OTC: variants seen among roughly 807,000 people sequenced by gnomAD.
The protein encoded by OTC is ornithine transcarbamylase, also known as ornithine transcarbamylase, mitochondrial.
A neutral mutation model predicts 30.3 loss-of-function variants in OTC; 3 were observed. The ratio of observed to expected loss-of-function variants is 0.10; its 90% CI spans 0.05 to 0.26. The LOEUF is 0.26. Ranked by LOEUF, OTC falls within the 10% of genes least tolerant of loss-of-function variation. The pLI is 1.00. For synonymous variants in OTC, 111 were observed against 99.7 expected, an observed-to-expected ratio of 1.11 and a Z score of -0.67; for missense variants, 194 against 260.3, an observed-to-expected ratio of 0.75 and a Z score of 1.75.
the OTC span, among the ~76,000 whole-genome samples, chrX:38,339,424 G>A: frequency 8.2e-5 from 9 of 109,677 alleles, no homozygotes; most frequent in African/African-American, 3.0e-4. Context: ...CTTATTTTAG[G>A]TTCAGAGGTA....
At chrX:38,345,074 C>T in the OTC span, among the ~76,000 whole-genome samples, 6 of 111,022 alleles carry the variant, frequency 5.4e-5, no homozygotes, top group Admixed American at 3.8e-4. Flanking sequence ...TGGTGGCACA[C>T]ACCTATACTC....
intron 2 of OTC, among the ~76,000 whole-genome samples, chrX:38,369,330 C>T (rs2068312018): frequency 9.5e-6 from 1 of 105,133 alleles, no homozygotes; most frequent in Admixed American, 1.0e-4. Context: ...TTGTATAGTA[C>T]ATAAAAAAAC....
chrX:38,384,587 T>C (rs2068392760), intron 4 of OTC, among the ~76,000 whole-genome samples: 1 of 112,137 alleles, frequency 8.9e-6, no homozygotes, highest in Non-Finnish European at 1.9e-5. Flanking sequence ...TTGCTTTTTG[T>C]AGAAGTTTAA....
At chrX:38,344,262 C>CAT in the OTC span, among the ~76,000 whole-genome samples, 1 of 110,688 alleles carries the variant, frequency 9.0e-6, no homozygotes, top group African/African-American at 3.3e-5. Flanking sequence ...CACACACACA[C>CAT]ACACACACAC....
upstream of OTC, among the ~76,000 whole-genome samples, chrX:38,349,181 G>C (rs1183914060): frequency 3.6e-5 from 4 of 111,757 alleles, no homozygotes. Context: ...GGAAGCACTG[G>C]CAGGGTAGTG....
chrX:38,407,460 A>C (rs1455656033), intron 6 of OTC, among the ~76,000 whole-genome samples: 14 of 112,251 alleles, frequency 1.2e-4, no homozygotes, highest in Non-Finnish European at 2.6e-4. Context: ...GATAAAAATC[A>C]ACTCATAATC....
intron 3 of OTC, among the ~76,000 whole-genome samples, chrX:38,377,396 TAAAG>T (rs1398601967): frequency 1.8e-5 from 2 of 111,478 alleles, no homozygotes; most frequent in Non-Finnish European, 3.8e-5. Flanking sequence ...TGATGCATCT[TAAAG>T]AACTGGAAAA....
chrX:38,392,554 G>A (rs1284920839), intron 4 of OTC, among the ~76,000 whole-genome samples: 1 of 112,079 alleles, frequency 8.9e-6, no homozygotes, highest in Non-Finnish European at 1.9e-5. Context: ...AAGATCTTTA[G>A]TAGCCTGGAA....
the OTC span, among the ~76,000 whole-genome samples, chrX:38,334,328 A>G: frequency 8.9e-5 from 10 of 112,318 alleles, no homozygotes; most frequent in African/African-American, 1.6e-4. Context: ...TCCAGAATCT[A>G]TGTTCCTAGT....
chrX:38,344,056 A>G, the OTC span, among the ~76,000 whole-genome samples: 3 of 111,629 alleles, frequency 2.7e-5, no homozygotes, highest in African/African-American at 6.5e-5. Flanking sequence ...AGTAACTCTC[A>G]GATCGCTTGA....
At position 38,401,719 on chromosome X, in the gene OTC, A is replaced by C. The variant is rs191944895; in HGVS notation, c.540+291A>C. ...GTGCCATATTTAACACAATGAATGA[A>C]TAGAGAACACTGGAGCATACAAAAT... On this transcript the variant is annotated intron_variant, in intron 5 of 9. Coordinates refer to ENST00000039007, the MANE Select transcript of OTC (RefSeq NM_000531.6). Among the ~76,000 whole-genome samples, 217 of 111,824 alleles carry C rather than the reference A, an allele frequency of 1.9e-3. 1 individual carries two copies. The highest frequency in any genetic ancestry group is 3.3e-3 in the Non-Finnish European group (174 of 53,153).
chrX:38,400,125 C>T (rs767034383), intron 4 of OTC, among the ~76,000 whole-genome samples: 2 of 111,087 alleles, frequency 1.8e-5, no homozygotes, highest in Non-Finnish European at 3.8e-5. Context: ...TAACATTATA[C>T]CTGTTTATTT....
At chrX:38,373,877 A>C (rs1321289198) in intron 3 of OTC, 1 of 112,628 alleles carries the variant, frequency 8.9e-6, no homozygotes. Flanking sequence ...AGAAATTAGC[A>C]GAAGAGGCCG....
the OTC span, among the ~76,000 whole-genome samples, chrX:38,330,804 C>T: frequency 8.9e-6 from 1 of 111,953 alleles, no homozygotes. Context: ...TGCAATGAGG[C>T]CACATGACCC....
chrX:38,378,146 T>C (rs757661601), intron 3 of OTC, among the ~76,000 whole-genome samples: 105 of 102,597 alleles, frequency 1.0e-3, no homozygotes, highest in African/African-American at 3.6e-3. Flanking sequence ...TCTTGTTGTC[T>C]CTTGAACCCA....
At chrX:38,342,011 C>CTT in the OTC span, among the ~76,000 whole-genome samples, 5 of 28,568 alleles carry the variant, frequency 1.8e-4, no homozygotes, top group Non-Finnish European at 2.4e-4. Flanking sequence ...TTAAATTTCA[C>CTT]TTTTTTTTTT....
At chrX:38,369,708 A>G (rs1026157588) in intron 2 of OTC, 88 bp from the exon 3 acceptor site, 71 of 453,747 alleles carry the variant, frequency 1.6e-4, no homozygotes, top group Non-Finnish European at 2.3e-4. Flanking sequence ...GGGGGTAGTT[A>G]TTACTTATTT....
At chrX:38,328,565 A>C in the OTC span, among the ~76,000 whole-genome samples, 135 of 111,704 alleles carry the variant, frequency 1.2e-3, no homozygotes, top group Admixed American at 2.1e-3. Context: ...AAAGGTTTGT[A>C]AGGAGCTTGA....
intron 4 of OTC, among the ~76,000 whole-genome samples, chrX:38,400,691 C>T (rs2068481112): frequency 8.9e-6 from 1 of 112,229 alleles, no homozygotes; most frequent in African/African-American, 3.2e-5. Context: ...GCGCTATTCT[C>T]CCCACTGTGT....
Sources: allele counts gnomAD v4.1 joint callset (sites outside exome capture counted in the v4.1 genomes callset), GRCh38; gene constraint gnomAD v4.1.1; transcripts MANE v1.5; gene names NCBI Gene and HGNC (gene_info 2026-07-23, HGNC 2026-07-21).